TSPEAR: variants seen among roughly 807,000 people sequenced by gnomAD.
TSPEAR encodes the protein thrombospondin type laminin G domain and EAR repeats, also known as thrombospondin-type laminin G domain and EAR repeat-containing protein.
In TSPEAR, 69 loss-of-function variants were observed where a neutral mutation model predicts 71.6. The observed-to-expected ratio is 0.96, with a 90% CI of 0.79 to 1.18. The LOEUF (loss-of-function observed/expected upper bound fraction) is 1.18. Ranked by LOEUF, TSPEAR falls within the 50% of genes most tolerant of loss-of-function variation. TSPEAR has a pLI of 0.00. For missense variants in TSPEAR, 971 were observed against 894.9 expected, an observed-to-expected ratio of 1.09 and a Z score of -1.09; for synonymous variants, 402 against 387.2, an observed-to-expected ratio of 1.04 and a Z score of -0.45.
At chr21:44,666,691 C>T in intron 1 of TSPEAR, 1 of 1,613,892 alleles carries the variant, frequency 6.2e-7, no homozygotes, top group Non-Finnish European at 8.5e-7. Flanking sequence ...CTCATGGGCA[C>T]ACACACAGAA....
chr21:44,556,302 G>C (rs587751658), intron 2 of TSPEAR, among the ~76,000 whole-genome samples: 12 of 152,176 alleles, frequency 7.9e-5, no homozygotes, highest in African/African-American at 2.9e-4. Flanking sequence ...CTTGAACCCG[G>C]GAGGCAGAAG....
At chr21:44,559,250 G>A (rs182889651) in intron 2 of TSPEAR, among the ~76,000 whole-genome samples, 4 of 152,344 alleles carry the variant, frequency 2.6e-5, no homozygotes, top group Admixed American at 1.3e-4. Flanking sequence ...GCCACACGGC[G>A]AGATCCACCC....
chr21:44,610,511 T>C (rs1472898528), intron 1 of TSPEAR, among the ~76,000 whole-genome samples: 2 of 152,174 alleles, frequency 1.3e-5, no homozygotes, highest in South Asian at 4.1e-4. Context: ...AGAAGATATA[T>C]GGAAACGCAT....
chr21:44,648,392 G>C (rs982682959), intron 1 of TSPEAR, among the ~76,000 whole-genome samples: 2 of 152,190 alleles, frequency 1.3e-5, no homozygotes, highest in South Asian at 2.1e-4. Flanking sequence ...CCTTGAACCA[G>C]AAAGTAGCTG....
intron 7 of TSPEAR, among the ~76,000 whole-genome samples, chr21:44,526,307 G>C (rs2052853458): frequency 1.3e-5 from 2 of 152,222 alleles, no homozygotes; most frequent in Non-Finnish European, 2.9e-5. Context: ...TGAACATACA[G>C]AATGAGGGGC....
chr21:44,529,153 A>C (rs782102445), intron 5 of TSPEAR, among the ~76,000 whole-genome samples: 2 of 152,120 alleles, frequency 1.3e-5, no homozygotes, highest in Non-Finnish European at 2.9e-5. Flanking sequence ...GGTAACCGCT[A>C]ACCCTGAGGC....
chr21:44,612,299 G>A lies in TSPEAR; in HGVS notation c.83-44294C>T. On this transcript the variant is annotated intron_variant, in intron 1 of 11. Transcript: ENST00000323084. This position sits in a 1 kb window ranked among gnomAD's most constrained non-coding sequence, Gnocchi z 4.1. ...CAGCTGCTGTACCCCTAGCTGCTGT[G>A]CCCCAGCCCCCTGCCTGGCCCTGGT... The A allele has an allele frequency of 1.9e-6, 3 of 1,613,538 alleles. No individual in the cohort carries two copies. Among genetic ancestry groups the A allele is most frequent in the Non-Finnish European group, 2.5e-6 (3 of 1,179,990 alleles).
intron 1 of TSPEAR, among the ~76,000 whole-genome samples, chr21:44,690,323 A>G (rs1987075068): frequency 6.6e-6 from 1 of 151,426 alleles, no homozygotes; most frequent in Admixed American, 6.6e-5. Context: ...GGCTAAAGAC[A>G]CAGTCTTCAG....
intron 1 of TSPEAR, among the ~76,000 whole-genome samples, chr21:44,620,662 A>G (rs1982381607): frequency 6.6e-6 from 1 of 152,126 alleles, no homozygotes; most frequent in Non-Finnish European, 1.5e-5. Context: ...TTTCTATTCC[A>G]TTTATCTGCA....
chr21:44,583,272 C>T (rs587599136), intron 1 of TSPEAR, among the ~76,000 whole-genome samples: 283 of 152,298 alleles, frequency 1.9e-3, no homozygotes, highest in Non-Finnish European at 3.5e-3. Context: ...GCAGGGTGGC[C>T]CACGGCCGTG....
chr21:44,618,510 G>T (rs2146188580), intron 1 of TSPEAR, among the ~76,000 whole-genome samples: 1 of 152,336 alleles, frequency 6.6e-6, no homozygotes, highest in East Asian at 1.9e-4. Flanking sequence ...TTTGCAGCAA[G>T]CAAGGGAACA....
At chr21:44,580,420 C>T (rs587694494) in intron 1 of TSPEAR, 13 of 1,613,004 alleles carry the variant, frequency 8.1e-6, no homozygotes, top group South Asian at 1.1e-5. Context: ...CACAGGCCGC[C>T]TGGCAGCAGG....
intron 1 of TSPEAR, among the ~76,000 whole-genome samples, chr21:44,597,432 C>CTTTTTT (rs370569621): frequency 7.7e-6 from 1 of 130,620 alleles, no homozygotes. Context: ...TTCTTTCTTT[C>CTTTTTT]TTTTCTTTTT....
chr21:44,573,742 G>A, intron 1 of TSPEAR: 2 of 1,607,576 alleles, frequency 1.2e-6, no homozygotes, highest in East Asian at 4.5e-5. Context: ...TCAACCCCCA[G>A]CACAGCAGCA....
At chr21:44,580,266 T>G (rs879948660) in intron 1 of TSPEAR, 1 of 1,597,170 alleles carries the variant, frequency 6.3e-7, no homozygotes, top group Non-Finnish European at 8.5e-7. Context: ...GAGGAATCCT[T>G]AGAGCAGGTG....
chr21:44,627,077 G>A, intron 1 of TSPEAR: 1 of 1,543,234 alleles, frequency 6.5e-7, no homozygotes, highest in Non-Finnish European at 8.8e-7. Context: ...AAAAGCCTGA[G>A]AGCCCCAAGA....
At position 44,539,972 on chromosome 21, in the gene TSPEAR, G is replaced by A. The variant is rs782586863; in HGVS notation, c.304-6049C>T. On this transcript the variant is annotated intron_variant, in intron 2 of 11. Transcript: ENST00000323084. ...TTGGCAGGGGCTGGGCTCACAGGCT[G>A]CCTGGCAGCAGGGGCTGGACACACG... The A allele has an allele frequency of 2.1e-5, 34 of 1,613,430 alleles. No homozygotes were observed. The African/African-American group carries it at 4.0e-4, about 19-fold the overall frequency.
intron 11 of TSPEAR, among the ~76,000 whole-genome samples, chr21:44,503,291 CGG>C (rs1268956382): frequency 5.4e-5 from 7 of 128,766 alleles, no homozygotes; most frequent in Non-Finnish European, 8.1e-5. Flanking sequence ...GGTGAGCCCT[CGG>C]GGGGAAGCAA....
chr21:44,608,502 A>C (rs184501476), intron 1 of TSPEAR, among the ~76,000 whole-genome samples: 4 of 152,358 alleles, frequency 2.6e-5, no homozygotes, highest in African/African-American at 9.6e-5. Context: ...TCACTGACAC[A>C]CTGCATGTAT....
Sources: gnomAD v4.1 joint callset for allele counts (sites outside exome capture counted in the v4.1 genomes callset) on GRCh38, gnomAD v4.1.1 for gene constraint, Gnocchi (gnomAD v3.1) non-coding constraint, MANE v1.5 for transcripts, NCBI Gene and HGNC (gene_info 2026-07-23, HGNC 2026-07-21) for gene names.